The following DIAPH2 variants were observed in gnomAD, a reference collection of about 807,000 sequenced individuals.
DIAPH2 encodes protein diaphanous homolog 2.
In DIAPH2, 35 loss-of-function variants were observed where a neutral mutation model predicts 92.7. The observed-to-expected ratio is 0.38, with a 90% CI of 0.29 to 0.50. The LOEUF is 0.50. Among genes scored for constraint, DIAPH2 ranks in the 20% least tolerant of loss-of-function variants. The probability of loss-of-function intolerance (pLI) is 0.94; values close to 1 mark genes in which losing one functional copy is unlikely to be tolerated. For missense variants in DIAPH2, 701 were observed against 819.5 expected (o/e 0.86, Z 1.77); for synonymous variants, 301 against 280.4 (o/e 1.07, Z -0.73).
chrX:97,093,384 A>G (rs908732857), intron 19 of DIAPH2, among the ~76,000 whole-genome samples: 1 of 111,333 alleles, frequency 9.0e-6, no homozygotes, highest in African/African-American at 3.3e-5. Flanking sequence ...TTGGCTTTCA[A>G]GCTATAAACT....
chrX:97,313,035 T>A (rs778427643), intron 23 of DIAPH2, among the ~76,000 whole-genome samples: 29 of 108,800 alleles, frequency 2.7e-4, no homozygotes, highest in Non-Finnish European at 4.6e-4. Context: ...GAAAAAAAAA[T>A]TTAGCCGGGC....
chrX:97,432,171 G>A (rs1332234825), intron 26 of DIAPH2, among the ~76,000 whole-genome samples: 7 of 112,091 alleles, frequency 6.2e-5, no homozygotes, highest in East Asian at 2.8e-4. Context: ...CACAATCAGC[G>A]GAGATGTACT....
chrX:97,326,869 T>A (rs1434305016), intron 23 of DIAPH2, among the ~76,000 whole-genome samples: 1 of 112,103 alleles, frequency 8.9e-6, no homozygotes. Flanking sequence ...AAGAAGTCTC[T>A]GGAGTATTTT....
chrX:96,993,996 T>C (rs746993769), intron 17 of DIAPH2, among the ~76,000 whole-genome samples: 29 of 111,370 alleles, frequency 2.6e-4, no homozygotes, highest in Non-Finnish European at 4.3e-4. Context: ...GGGAGGTACA[T>C]TGGAGACAAC....
intron 23 of DIAPH2, among the ~76,000 whole-genome samples, chrX:97,301,773 C>G (rs137873327): frequency 0.026 from 2,949 of 111,447 alleles, 57 homozygotes; most frequent in Non-Finnish European, 0.04. Flanking sequence ...TACATTCTTG[C>G]GCCAGCTCCT....
At chrX:97,140,026 A>T (rs1008449128) in intron 21 of DIAPH2, among the ~76,000 whole-genome samples, 16 of 94,234 alleles carry the variant, frequency 1.7e-4, no homozygotes, top group South Asian at 4.2e-4. Flanking sequence ...GTTCTTTTTT[A>T]AAAAAAAAAA....
chrX:96,805,200 T>G (rs1340233298), intron 4 of DIAPH2, among the ~76,000 whole-genome samples: 1 of 60,844 alleles, frequency 1.6e-5, no homozygotes, highest in Non-Finnish European at 2.9e-5. Flanking sequence ...CATACACATA[T>G]ATATTTATAC....
At chrX:96,883,903 G>A (rs1000904128) in intron 5 of DIAPH2, 2 of 127,862 alleles carry the variant, frequency 1.6e-5, no homozygotes, top group African/African-American at 6.4e-5. Context: ...AAATAAAGAG[G>A]GGGGCTAGTA....
At chrX:97,185,461 A>G (rs1366236502) in intron 22 of DIAPH2, among the ~76,000 whole-genome samples, 1 of 46,030 alleles carries the variant, frequency 2.2e-5, no homozygotes, top group African/African-American at 1.2e-4. Flanking sequence ...GTGTGTATAT[A>G]TATATATATA....
chrX:97,153,420 T>C (rs1458491885), intron 22 of DIAPH2, among the ~76,000 whole-genome samples: 2 of 110,106 alleles, frequency 1.8e-5, no homozygotes, highest in Non-Finnish European at 3.8e-5. Flanking sequence ...TCGTCTCTAC[T>C]AAAAATACAA....
intron 17 of DIAPH2, among the ~76,000 whole-genome samples, chrX:97,058,461 CTTT>C (rs35551569): frequency 2.2e-5 from 2 of 89,395 alleles, no homozygotes; most frequent in Non-Finnish European, 2.2e-5. Flanking sequence ...TTCTTCTGGT[CTTT>C]TTTTTTTTTT....
chrX:97,307,943 T>A (rs1482420955), intron 23 of DIAPH2, among the ~76,000 whole-genome samples: 1 of 108,038 alleles, frequency 9.3e-6, no homozygotes, highest in Non-Finnish European at 1.9e-5. Context: ...GAAAAAGATA[T>A]CATTACTATA....
intron 4 of DIAPH2, among the ~76,000 whole-genome samples, chrX:96,824,458 T>C (rs1191577984): frequency 9.1e-6 from 1 of 110,009 alleles, no homozygotes; most frequent in African/African-American, 3.3e-5. Context: ...GGAGTCCCAC[T>C]GTCCAAGCTC....
intron 22 of DIAPH2, among the ~76,000 whole-genome samples, chrX:97,178,034 C>T (rs2067506709): frequency 9.0e-6 from 1 of 111,279 alleles, no homozygotes; most frequent in East Asian, 2.8e-4. Flanking sequence ...CATGACAAAA[C>T]AGTGTTTCTA....
chrX:96,766,274 T>G (rs2064303497), intron 4 of DIAPH2, among the ~76,000 whole-genome samples: 1 of 109,098 alleles, frequency 9.2e-6, no homozygotes, highest in African/African-American at 3.3e-5. Flanking sequence ...AACAGTATAA[T>G]GAGGTACGTG....
intron 23 of DIAPH2, among the ~76,000 whole-genome samples, chrX:97,346,473 A>G (rs764875615): frequency 1.9e-4 from 20 of 104,904 alleles, no homozygotes; most frequent in Non-Finnish European, 2.9e-4. Context: ...TCTCCTTTAT[A>G]GAGGAAAAGT....
intron 7 of DIAPH2, among the ~76,000 whole-genome samples, chrX:96,915,259 T>A (rs2065495524): frequency 9.0e-6 from 1 of 111,279 alleles, no homozygotes; most frequent in Non-Finnish European, 1.9e-5. Context: ...CATAAAGCTA[T>A]TAAGTTTGGT....
At chrX:96,947,211 C>G (rs1335882887) in intron 14 of DIAPH2, among the ~76,000 whole-genome samples, 2 of 111,614 alleles carry the variant, frequency 1.8e-5, no homozygotes, top group African/African-American at 6.5e-5. Context: ...AAATTAAAAG[C>G]AGAAACATTG....
chrX:97,384,125 A>C, intron 25 of DIAPH2, 81 bp downstream of exon 25: 2 of 870,321 alleles, frequency 2.3e-6, no homozygotes, highest in Non-Finnish European at 3.2e-6. Context: ...TTATAAAGTA[A>C]ATTTTCATAG....
Sources: allele counts gnomAD v4.1 joint callset (sites outside exome capture counted in the v4.1 genomes callset), GRCh38; gene constraint gnomAD v4.1.1; transcripts MANE v1.5; gene names NCBI Gene and HGNC (gene_info 2026-07-23, HGNC 2026-07-21).